The following GUCA1A variants were observed in gnomAD, a reference collection of about 807,000 sequenced individuals.
GUCA1A encodes the protein guanylyl cyclase-activating protein 1.
A neutral mutation model predicts 18.5 loss-of-function variants in GUCA1A; 14 were observed. The ratio of observed to expected loss-of-function variants is 0.76; its 90% CI spans 0.50 to 1.18. GUCA1A has a LOEUF of 1.18. GUCA1A is among the 50% of genes most tolerant of loss of function. GUCA1A has a pLI of 0.00. For missense variants in GUCA1A, 264 were observed against 262.4 expected, an observed-to-expected ratio of 1.01 and a Z score of -0.04; for synonymous variants, 97 against 100.2, an observed-to-expected ratio of 0.97 and a Z score of 0.19.
intron 1 of GUCA1A, among the ~76,000 whole-genome samples, chr6:42,174,929 G>A (rs1331805668): frequency 6.6e-6 from 1 of 152,214 alleles, no homozygotes; most frequent in African/African-American, 2.4e-5. Context: ...TGGGAAAGCT[G>A]GGGCTCAGTG....
intron 3 of GUCA1A, 89 bp from the exon 4 acceptor site, chr6:42,179,154 T>C (rs1768044309): frequency 8.1e-7 from 1 of 1,240,890 alleles, no homozygotes; most frequent in Non-Finnish European, 1.2e-6. Context: ...GTGGGCTCTG[T>C]CCCTGCCCCT....
intron 1 of GUCA1A, among the ~76,000 whole-genome samples, chr6:42,176,171 T>C (rs1278108995): frequency 6.6e-6 from 1 of 152,206 alleles, no homozygotes. Flanking sequence ...ATATTCATTG[T>C]ATGAGTGAAT....
rs1227488101 is a variant in GUCA1A at position 42,178,864 on chromosome 6, A to T, written c.414A>T (p.Thr138=). ...TGACTGCAGAGGAGTTCACCGATACAGTGTTCTCCAAGATTGACGTCAACG... is the reference window on the plus strand; with the variant it reads ...TGACTGCAGAGGAGTTCACCGATACTGTGTTCTCCAAGATTGACGTCAACG... ...TTMTAEEFTD[T]VFSKIDVNGD... is the part of the protein sequence containing the mutation. Residue 138 remains threonine (T), a synonymous_variant, in exon 3 of 4, where the codon ACA becomes ACT. Transcript: ENST00000372958. 6.2e-7 allele frequency: 1 copy of T among 1,613,692 alleles called. No homozygotes were observed. Among genetic ancestry groups the T allele is most frequent in the Non-Finnish European group, 8.5e-7 (1 of 1,179,610 alleles).
intron 3 of GUCA1A, 83 bp from the exon 4 acceptor site, chr6:42,179,160 C>A: frequency 2.3e-6 from 3 of 1,305,060 alleles, no homozygotes; most frequent in Non-Finnish European, 3.3e-6. Context: ...TCTGTCCCTG[C>A]CCCTGGCAAG....
At chr6:42,175,998 TGTC>T (rs35978813) in intron 1 of GUCA1A, among the ~76,000 whole-genome samples, 3,349 of 152,272 alleles carry the variant, frequency 0.022, 101 homozygotes, top group African/African-American at 0.074. Flanking sequence ...CGCAAGCACC[TGTC>T]GTCTTCCAAT....
At chr6:42,174,401 C>T (rs1189285666) in intron 1 of GUCA1A, among the ~76,000 whole-genome samples, 3 of 152,198 alleles carry the variant, frequency 2.0e-5, no homozygotes, top group Non-Finnish European at 2.9e-5. Flanking sequence ...GTTGCCTGGT[C>T]CCTGGAGAAC....
At chr6:42,178,216 C>T in intron 1 of GUCA1A, 64 bp from the exon 2 acceptor site, 1 of 1,585,462 alleles carries the variant, frequency 6.3e-7, no homozygotes, top group East Asian at 2.2e-5. Context: ...TTATGATGGG[C>T]GGGGCCTGAG....
chr6:42,177,907 A>G (rs956588432), intron 1 of GUCA1A, among the ~76,000 whole-genome samples: 1 of 152,206 alleles, frequency 6.6e-6, no homozygotes, highest in Non-Finnish European at 1.5e-5. Flanking sequence ...ACCTACGCAC[A>G]TGTCTCCCAT....
chr6:42,176,979 G>A (rs1767976320), intron 1 of GUCA1A, among the ~76,000 whole-genome samples: 1 of 152,146 alleles, frequency 6.6e-6, no homozygotes, highest in African/African-American at 2.4e-5. Flanking sequence ...TAGTGCAAGT[G>A]CCAGCCCTTG....
Position 42,178,307 on chromosome 6 carries a change from G to C in GUCA1A, c.229G>C (p.Val77Leu). The C allele has an allele frequency of 6.2e-7, 1 of 1,614,146 alleles. No individual in the cohort carries two copies. The highest frequency in any genetic ancestry group is 8.5e-7 in the Non-Finnish European group (1 of 1,180,018). ...KDGYIDFMEYVAALSLVLKGK... is the reference protein window; with the variant it reads ...KDGYIDFMEYLAALSLVLKGK... ...CGGCTACATTGATTTCATGGAGTAC[G>C]TGGCAGCGCTCAGCTTGGTCCTCAA... The change falls in exon 2 of 4, where the codon GTG (valine) becomes CTG (leucine). Residue 77 changes from valine (V) to leucine (L), a missense_variant. Transcript: ENST00000372958.
chr6:42,178,732 G>A, intron 2 of GUCA1A, 70 bp from the exon 3 acceptor site: 3 of 1,233,098 alleles, frequency 2.4e-6, no homozygotes, highest in Admixed American at 1.7e-5. Context: ...AGCTCTGACC[G>A]TCCCCAATCC....
chr6:42,173,712 ACT>A lies in GUCA1A; in HGVS notation c.101_102del (p.Leu34HisfsTer4), dbSNP rs1562056922. On this transcript the variant is annotated frameshift_variant, in exon 1 of 4. Transcript: ENST00000372958. LOFTEE classifies it high-confidence loss of function. ...TCATGACTGAGTGCCCCTCTGGCCA[ACT>A]CACCCTCTATGAGTTCCGCCAGTTC... ...KFMTECPSGQ[L>X]TLYEFRQFFG... The A allele has an allele frequency of 1.2e-6, 2 of 1,613,988 alleles. No homozygotes were observed. Among genetic ancestry groups the A allele is most frequent in the East Asian group, 4.5e-5 (2 of 44,882 alleles).
Position 42,179,451 on chromosome 6 carries a change from G to T in GUCA1A, c.*48G>T. On this transcript the variant is annotated 3_prime_UTR_variant, in exon 4 of 4. Transcript: ENST00000372958. ...CACTAGCGGGTGGGGTGGTATGGTG[G>T]TGCCTGTTGGTGGTGTTCTTGTCTT... The T allele has an allele frequency of 6.9e-7, 1 of 1,443,038 alleles. No homozygotes were observed. Among genetic ancestry groups the T allele is most frequent in the Non-Finnish European group, 9.4e-7 (1 of 1,066,884 alleles). The allele number at this position is 1,443,038 out of a possible 1,614,324, so 89.4% of individuals were successfully genotyped here.
At position 42,179,634 on chromosome 6, in the gene GUCA1A, G is replaced by A. The variant is rs1768065989; in HGVS notation, c.*231G>A. 1 of 486,982 alleles carries A rather than the reference G, an allele frequency of 2.1e-6. No individual in the cohort carries two copies. Among genetic ancestry groups the A allele is most frequent in the Admixed American group, 3.5e-5 (1 of 28,414 alleles). 30.2% of individuals were successfully genotyped at this position (486,982 alleles called of 1,614,324 possible). A position where few individuals can be genotyped will look rare whatever the true frequency, so the allele number is the denominator to read the frequency against. ...AGCTGGTGGCAGCACTCCTTGCTGG[G>A]GGGCACTGTTCAACATCCCTCTGCC... On this transcript the variant is annotated 3_prime_UTR_variant, in exon 4 of 4. Coordinates refer to ENST00000372958, the MANE Select transcript of GUCA1A (RefSeq NM_001384910.1).
At chr6:42,179,161 C>T in intron 3 of GUCA1A, 82 bp from the exon 4 acceptor site, 3 of 1,319,878 alleles carry the variant, frequency 2.3e-6, no homozygotes, top group African/African-American at 2.9e-5. Flanking sequence ...CTGTCCCTGC[C>T]CCTGGCAAGA....
At chr6:42,175,997 C>T (rs1767950158) in intron 1 of GUCA1A, among the ~76,000 whole-genome samples, 1 of 151,744 alleles carries the variant, frequency 6.6e-6, no homozygotes, top group South Asian at 2.1e-4. Flanking sequence ...CCGCAAGCAC[C>T]TGTCGTCTTC....
At chr6:42,179,028 TC>T in intron 3 of GUCA1A, 133 bp downstream of exon 3, 1 of 872,044 alleles carries the variant, frequency 1.1e-6, no homozygotes. Context: ...GGTCACTTCC[TC>T]CACCTGCCTC....
At chr6:42,178,941 A>T in intron 3 of GUCA1A, 46 bp downstream of exon 3, 2 of 1,395,956 alleles carry the variant, frequency 1.4e-6, no homozygotes, top group African/African-American at 1.4e-5. Flanking sequence ...GTCACCATGG[A>T]TGTGGGGTCA....
At chr6:42,174,042 G>T (rs181694147) in intron 1 of GUCA1A, among the ~76,000 whole-genome samples, 1 of 152,176 alleles carries the variant, frequency 6.6e-6, no homozygotes, top group Non-Finnish European at 1.5e-5. Flanking sequence ...AGGCACTGGG[G>T]GGTTAGAAAT....
Sources: gnomAD v4.1 joint callset for allele counts (sites outside exome capture counted in the v4.1 genomes callset) on GRCh38, gnomAD v4.1.1 for gene constraint, MANE v1.5 for transcripts, NCBI Gene and HGNC (gene_info 2026-07-23, HGNC 2026-07-21) for gene names.